Variants in USH2A observed in about 807,000 individuals in gnomAD.
USH2A encodes Usher syndrome 2A (autosomal recessive, mild).
In USH2A, 443 loss-of-function variants were observed where a neutral mutation model predicts 538.9. That is an observed-to-expected ratio of 0.82 (90% CI 0.76 to 0.89). USH2A has a LOEUF of 0.89. Among genes scored for constraint, USH2A ranks in the 40% least tolerant of loss-of-function variants. The pLI, the probability that USH2A is intolerant of heterozygous loss-of-function variation, is 0.00. For missense variants in USH2A, 6,633 were observed against 6,324.8 expected (o/e 1.05, Z -1.65); for synonymous variants, 2,413 against 2,273.5 (o/e 1.06, Z -1.75).
At chr1:216,278,098 T>C (rs2102590675) in intron 11 of USH2A, among the ~76,000 whole-genome samples, 1 of 152,286 alleles carries the variant, frequency 6.6e-6, no homozygotes, top group Middle Eastern at 3.4e-3. Context: ...GTTCTTCCAA[T>C]ATCCAGACAC....
intron 56 of USH2A, among the ~76,000 whole-genome samples, chr1:215,763,406 G>A (rs1391758077): frequency 2.6e-5 from 4 of 152,108 alleles, no homozygotes; most frequent in East Asian, 1.9e-4. Flanking sequence ...GGGGAGATGC[G>A]TGAACCAAGT....
chr1:215,939,572 T>C (rs1226841239), intron 37 of USH2A, among the ~76,000 whole-genome samples: 1 of 152,142 alleles, frequency 6.6e-6, no homozygotes, highest in Non-Finnish European at 1.5e-5. Flanking sequence ...GTAGAAAATC[T>C]ATGCAATTAT....
chr1:216,286,342 C>A (rs1374165348), intron 11 of USH2A, among the ~76,000 whole-genome samples: 1 of 152,172 alleles, frequency 6.6e-6, no homozygotes, highest in Admixed American at 6.5e-5. Context: ...TTCTCTCTTG[C>A]CTGCTGCCAT....
At chr1:215,865,867 G>A (rs1438508251) in intron 44 of USH2A, among the ~76,000 whole-genome samples, 1 of 152,154 alleles carries the variant, frequency 6.6e-6, no homozygotes, top group Non-Finnish European at 1.5e-5. Flanking sequence ...ATTCACAATT[G>A]ATATCCTCAA....
chr1:216,097,751 T>C (rs1465956222), intron 21 of USH2A, among the ~76,000 whole-genome samples: 1 of 152,184 alleles, frequency 6.6e-6, no homozygotes, highest in Non-Finnish European at 1.5e-5. Context: ...TACTGACCCT[T>C]CAGAGCACAT....
At chr1:216,272,012 C>A (rs2036585408) in intron 11 of USH2A, among the ~76,000 whole-genome samples, 1 of 152,060 alleles carries the variant, frequency 6.6e-6, no homozygotes, top group Non-Finnish European at 1.5e-5. Flanking sequence ...AGTTAGGTAG[C>A]CCTCACAAAA....
intron 32 of USH2A, among the ~76,000 whole-genome samples, chr1:216,011,447 A>C (rs569266087): frequency 6.6e-6 from 1 of 152,026 alleles, no homozygotes; most frequent in Admixed American, 6.5e-5. Context: ...TCTCATAAAA[A>C]CACATGTGCT....
At chr1:216,249,286 A>G (rs1213207190) in intron 12 of USH2A, among the ~76,000 whole-genome samples, 1 of 152,150 alleles carries the variant, frequency 6.6e-6, no homozygotes, top group Non-Finnish European at 1.5e-5. Flanking sequence ...ATCTGGATCA[A>G]TCAACAAAAC....
chr1:216,101,846 A>G (rs1400924810), intron 21 of USH2A, among the ~76,000 whole-genome samples: 2 of 152,238 alleles, frequency 1.3e-5, no homozygotes, highest in Non-Finnish European at 2.9e-5. Flanking sequence ...AATGGTATAC[A>G]TGAGATGTGT....
chr1:216,091,363 G>A (rs2032297857), intron 22 of USH2A, among the ~76,000 whole-genome samples: 1 of 152,080 alleles, frequency 6.6e-6, no homozygotes, highest in African/African-American at 2.4e-5. Context: ...ATCATTACTG[G>A]TCACTAAAAT....
chr1:215,909,385 A>G (rs763167711), intron 38 of USH2A, among the ~76,000 whole-genome samples: 3 of 151,918 alleles, frequency 2.0e-5, no homozygotes, highest in African/African-American at 4.8e-5. Flanking sequence ...GTCATTATAT[A>G]TTAGCCTAAA....
At chr1:215,962,286 C>T (rs770648237) in intron 37 of USH2A, among the ~76,000 whole-genome samples, 10 of 151,956 alleles carry the variant, frequency 6.6e-5, no homozygotes, top group Non-Finnish European at 1.3e-4. Context: ...TTTTCCTTGA[C>T]CTGGCAATTC....
At chr1:216,191,629 C>T (rs949918622) in intron 19 of USH2A, among the ~76,000 whole-genome samples, 2 of 151,752 alleles carry the variant, frequency 1.3e-5, no homozygotes, top group Admixed American at 1.3e-4. Flanking sequence ...AATGAAGATA[C>T]AAACTTTTCT....
At chr1:216,014,600 C>A (rs191132517) in intron 32 of USH2A, among the ~76,000 whole-genome samples, 76 of 152,260 alleles carry the variant, frequency 5.0e-4, no homozygotes, top group Middle Eastern at 3.4e-3. Context: ...TTTGTAAGAG[C>A]CCCTGAGCAA....
At chr1:216,302,422 T>C (rs747894578) in intron 9 of USH2A, among the ~76,000 whole-genome samples, 1 of 152,152 alleles carries the variant, frequency 6.6e-6, no homozygotes, top group Non-Finnish European at 1.5e-5. Flanking sequence ...CCAAAACAAA[T>C]ACTATTCTTT....
chr1:215,729,244 C>T (rs967466159), intron 60 of USH2A, among the ~76,000 whole-genome samples: 8 of 152,130 alleles, frequency 5.3e-5, no homozygotes, highest in Admixed American at 2.6e-4. Flanking sequence ...GTCCACAGTT[C>T]CTATTTTCTC....
chr1:215,975,651 T>A (rs952206468), intron 35 of USH2A, among the ~76,000 whole-genome samples: 4 of 152,204 alleles, frequency 2.6e-5, no homozygotes, highest in Middle Eastern at 3.2e-3. Flanking sequence ...TTCTAGATTC[T>A]CTTTTCTGTT....
intron 21 of USH2A, among the ~76,000 whole-genome samples, chr1:216,126,095 G>A (rs1031083366): frequency 1.3e-5 from 2 of 152,116 alleles, no homozygotes; most frequent in South Asian, 2.1e-4. Context: ...GTCTTAAAAG[G>A]GTTCCTTTGA....
chr1:216,160,912 T>C (rs1426502002), intron 21 of USH2A, among the ~76,000 whole-genome samples: 4 of 152,142 alleles, frequency 2.6e-5, no homozygotes, highest in Admixed American at 2.6e-4. Context: ...TATATACATA[T>C]CTGAAACTAT....
Sources: gnomAD v4.1 joint callset for allele counts (sites outside exome capture counted in the v4.1 genomes callset) on GRCh38, gnomAD v4.1.1 for gene constraint, MANE v1.5 for transcripts, NCBI Gene and HGNC (gene_info 2026-07-23, HGNC 2026-07-21) for gene names.